Variants in TDRD12 observed in about 807,000 individuals in gnomAD.
TDRD12 encodes the protein tudor domain containing 12, also known as putative ATP-dependent RNA helicase TDRD12.
TDRD12 carries 158 observed loss-of-function variants against 133.5 expected under a neutral mutation model. That is an observed-to-expected ratio of 1.18 (90% confidence interval 1.04 to 1.35). The LOEUF (loss-of-function observed/expected upper bound fraction) is 1.35. Among genes scored for constraint, TDRD12 ranks in the 40% most tolerant of loss-of-function variants. TDRD12 has a pLI of 0.00. For missense variants in TDRD12, 1,443 were observed against 1,321.3 expected, an observed-to-expected ratio of 1.09 and a Z score of -1.43; for synonymous variants, 460 against 477.9, an observed-to-expected ratio of 0.96 and a Z score of 0.49.
In TDRD12 at chr19:32,768,312, G is replaced by T. The variant is rs535781282; in HGVS notation, c.866-4441G>T. 1.8e-4 allele frequency among the ~76,000 whole-genome samples: 27 copies of T among 152,038 alleles called. No individual in the cohort carries two copies. In the South Asian group the frequency reaches 3.9e-3, roughly 22 times the overall value. ...CTGTAAATTTTAATTCTCTTTTAAA[G>T]AGATTTTTAAGATAAGAATATATGT... On this transcript the variant is annotated intron_variant, in intron 8 of 27. Transcript: ENST00000444215.
At chr19:32,724,129 G>A (rs891870544) in intron 1 of TDRD12, among the ~76,000 whole-genome samples, 1 of 152,118 alleles carries the variant, frequency 6.6e-6, no homozygotes, top group African/African-American at 2.4e-5. Context: ...CCAAAGTAAT[G>A]GGATTATGGG....
intron 27 of TDRD12, among the ~76,000 whole-genome samples, chr19:32,820,598 G>T (rs1216011151): frequency 2.0e-5 from 3 of 152,218 alleles, no homozygotes; most frequent in Non-Finnish European, 2.9e-5. Context: ...GTTTTAGATA[G>T]AAAGGCATAG....
At chr19:32,800,882 A>T in intron 18 of TDRD12, 110 bp downstream of exon 18, 5 of 1,109,246 alleles carry the variant, frequency 4.5e-6, no homozygotes. Context: ...GTAAAGTTTT[A>T]CAAGTTTAAC....
chr19:32,804,406 T>C (rs980692709), intron 21 of TDRD12, among the ~76,000 whole-genome samples: 3 of 150,924 alleles, frequency 2.0e-5, no homozygotes, highest in Non-Finnish European at 4.4e-5. Flanking sequence ...AATATTTGCC[T>C]ATCTTGGCCA....
At chr19:32,822,861 G>A (rs375691822), downstream of TDRD12, among the ~76,000 whole-genome samples, 2 of 152,170 alleles carry the variant, frequency 1.3e-5, no homozygotes, top group Admixed American at 6.5e-5. Flanking sequence ...ATTTATCTTC[G>A]TGTGGCCTTT....
At chr19:32,776,026 C>T (rs1028140080) in intron 10 of TDRD12, among the ~76,000 whole-genome samples, 2 of 152,160 alleles carry the variant, frequency 1.3e-5, no homozygotes, top group Admixed American at 6.5e-5. Context: ...GCCGTGTGAG[C>T]TCAGGCTCTG....
At chr19:32,755,382 T>TTG (rs1969962079) in intron 6 of TDRD12, among the ~76,000 whole-genome samples, 1 of 152,240 alleles carries the variant, frequency 6.6e-6, no homozygotes, top group Non-Finnish European at 1.5e-5. Flanking sequence ...TCCATGTCAC[T>TTG]TGTGTAAACA....
At position 32,821,130 on chromosome 19, in the gene TDRD12, C is replaced by T; in HGVS notation, c.3481C>T (p.Gln1161Ter). The T allele has an allele frequency of 2.6e-6, 4 of 1,535,896 alleles. No homozygotes were observed. Among genetic ancestry groups the T allele is most frequent in the South Asian group, 1.2e-5 (1 of 84,046 alleles). ...TGAGTCCAAGACGAGCTCAGAAAAC[C>T]AGAAGCCTGGTGGGTACTTGGTATT... The change falls in exon 28 of 28, where the codon CAG becomes TAG. Residue 1161 changes from glutamine to a stop codon, truncating the protein, a stop_gained. Transcript: ENST00000444215. LOFTEE classifies it low-confidence loss of function (END_TRUNC).
chr19:32,787,743 C>T (rs1486175089), intron 11 of TDRD12, among the ~76,000 whole-genome samples: 3 of 152,206 alleles, frequency 2.0e-5, no homozygotes, highest in Admixed American at 6.5e-5. Flanking sequence ...TGGGACCCGC[C>T]GAGCCAGGCA....
chr19:32,826,558 A>G (rs1378104763), exon 9 of TDRD12: 3 of 1,241,402 alleles, frequency 2.4e-6, no homozygotes, highest in East Asian at 3.1e-5. Flanking sequence ...ACTCTGGCCA[A>G]AGAGAGAAGG....
chr19:32,737,690 T>C (rs1969266535), intron 2 of TDRD12, among the ~76,000 whole-genome samples: 1 of 152,114 alleles, frequency 6.6e-6, no homozygotes, highest in Non-Finnish European at 1.5e-5. Flanking sequence ...CCACCATGCC[T>C]GGTTCAAGTA....
chr19:32,829,398 A>T (rs1967686428), downstream of TDRD12: 1 of 152,224 alleles, frequency 6.6e-6, no homozygotes, highest in Admixed American at 6.5e-5. Context: ...TGATTATGTG[A>T]ACAATTAGTC....
intron 14 of TDRD12, chr19:32,796,157 G>A (rs747416268): frequency 3.0e-6 from 3 of 985,254 alleles, no homozygotes; most frequent in African/African-American, 1.7e-5. Flanking sequence ...CCTGCATCTC[G>A]GGGCCTGGCA....
chr19:32,775,890 C>T (rs972225794), intron 10 of TDRD12, among the ~76,000 whole-genome samples: 4 of 152,000 alleles, frequency 2.6e-5, no homozygotes, highest in South Asian at 2.1e-4. Flanking sequence ...TGTTATGTTG[C>T]GAGATTCTGG....
intron 27 of TDRD12, among the ~76,000 whole-genome samples, chr19:32,820,552 G>A (rs771260345): frequency 7.9e-5 from 12 of 152,146 alleles, no homozygotes; most frequent in Non-Finnish European, 1.0e-4. Context: ...AATTTAGTAC[G>A]TTCCCATATG....
chr19:32,827,371 T>TA, exon 10 of TDRD12: 24 of 343,890 alleles, frequency 7.0e-5, no homozygotes, highest in South Asian at 1.5e-4. Context: ...TCTTTTCTTT[T>TA]CTTTTTTTTT....
intron 6 of TDRD12, among the ~76,000 whole-genome samples, chr19:32,752,752 T>A (rs1969868869): frequency 6.6e-6 from 1 of 151,960 alleles, no homozygotes; most frequent in African/African-American, 2.4e-5. Flanking sequence ...ATCATTTTGT[T>A]ATTTGCCAGA....
At chr19:32,783,132 A>G (rs1160174123) in intron 11 of TDRD12, among the ~76,000 whole-genome samples, 1 of 151,946 alleles carries the variant, frequency 6.6e-6, no homozygotes, top group East Asian at 1.9e-4. Flanking sequence ...TCTTGAGTCT[A>G]TTTTTGTGTA....
chr19:32,768,660 G>C (rs927339014), intron 8 of TDRD12, among the ~76,000 whole-genome samples: 1 of 151,920 alleles, frequency 6.6e-6, no homozygotes, highest in Non-Finnish European at 1.5e-5. Flanking sequence ...GCCACTGCAC[G>C]CTGAGACCTT....
Sources: gnomAD v4.1 joint callset for allele counts (sites outside exome capture counted in the v4.1 genomes callset) on GRCh38, gnomAD v4.1.1 for gene constraint, MANE v1.5 for transcripts, NCBI Gene and HGNC (gene_info 2026-07-23, HGNC 2026-07-21) for gene names.